DOP1A: variants seen among roughly 807,000 people sequenced by gnomAD.
The protein encoded by DOP1A is protein DOP1A.
Under a neutral mutation model 267.6 loss-of-function variants are expected in DOP1A, and 90 were observed. That is an observed-to-expected ratio of 0.34 (90% CI 0.28 to 0.40). The LOEUF (loss-of-function observed/expected upper bound fraction) is 0.40. Ranked by LOEUF, DOP1A falls within the 10% of genes least tolerant of loss-of-function variation. The probability of loss-of-function intolerance (pLI) is 1.00; values close to 1 mark genes in which losing one functional copy is unlikely to be tolerated. For missense variants in DOP1A, 2,437 were observed against 2,900.4 expected, an observed-to-expected ratio of 0.84 and a Z score of 3.67; for synonymous variants, 932 against 999.1, an observed-to-expected ratio of 0.93 and a Z score of 1.27.
At chr6:83,134,309 G>T in intron 19 of DOP1A, 22 bp downstream of exon 19, 1 of 1,596,160 alleles carries the variant, frequency 6.3e-7, no homozygotes, top group Non-Finnish European at 8.6e-7. Context: ...TTTATATTAA[G>T]ATTTCACAGT....
chr6:83,170,736 T>C (rs1786909295), downstream of DOP1A: 3 of 346,562 alleles, frequency 8.7e-6, no homozygotes, highest in South Asian at 1.0e-4. Context: ...GTAAATACGA[T>C]ATGACTAAGT....
At chr6:83,105,186 T>C (rs1023858970) in intron 4 of DOP1A, among the ~76,000 whole-genome samples, 2 of 152,120 alleles carry the variant, frequency 1.3e-5, no homozygotes, top group African/African-American at 4.8e-5. Context: ...GATTAAGTGT[T>C]CTATTCTCAG....
intron 15 of DOP1A, among the ~76,000 whole-genome samples, chr6:83,127,657 G>A (rs989802753): frequency 1.3e-5 from 2 of 152,204 alleles, no homozygotes; most frequent in Non-Finnish European, 2.9e-5. Context: ...TAGCGCAGGT[G>A]AGAGGTGGTG....
chr6:83,134,096 A>G, intron 18 of DOP1A, 91 bp from the exon 19 acceptor site: 2 of 993,922 alleles, frequency 2.0e-6, no homozygotes, highest in Non-Finnish European at 3.0e-6. Flanking sequence ...TGAACGTAAT[A>G]CAGTACTCCT....
At chr6:83,104,193 A>G (rs756321107) in intron 4 of DOP1A, among the ~76,000 whole-genome samples, 1 of 152,100 alleles carries the variant, frequency 6.6e-6, no homozygotes, top group Non-Finnish European at 1.5e-5. Flanking sequence ...GTTCTTTCTA[A>G]TAGCTTTTGG....
chr6:83,124,138 T>A (rs1401601235), intron 12 of DOP1A, among the ~76,000 whole-genome samples: 1 of 152,088 alleles, frequency 6.6e-6, no homozygotes, highest in Non-Finnish European at 1.5e-5. Context: ...CTATATTATA[T>A]TCTTACTTTG....
At chr6:83,125,127 T>C in intron 13 of DOP1A, 39 bp from the exon 14 acceptor site, 1 of 1,564,506 alleles carries the variant, frequency 6.4e-7, no homozygotes, top group African/African-American at 1.4e-5. Flanking sequence ...TTTTCCCTTC[T>C]GTTTTCTCTC....
At chr6:83,167,402 A>C in intron 38 of DOP1A, 3 of 982,386 alleles carry the variant, frequency 3.1e-6, no homozygotes, top group Non-Finnish European at 3.6e-6. Context: ...AATTTAGGCC[A>C]TTTAGATAAA....
At chr6:83,114,799 T>C (rs1775140632) in intron 7 of DOP1A, among the ~76,000 whole-genome samples, 3 of 152,222 alleles carry the variant, frequency 2.0e-5, no homozygotes, top group Admixed American at 1.3e-4. Flanking sequence ...TTATATTCTA[T>C]AATATGTATT....
At chr6:83,105,459 G>A (rs942309554) in intron 4 of DOP1A, among the ~76,000 whole-genome samples, 1 of 140,238 alleles carries the variant, frequency 7.1e-6, no homozygotes, top group Non-Finnish European at 1.5e-5. Flanking sequence ...CCGCCTCCCA[G>A]GTTCAAGCAA....
At chr6:83,141,288 C>T (rs1779616884) in intron 23 of DOP1A, among the ~76,000 whole-genome samples, 1 of 152,122 alleles carries the variant, frequency 6.6e-6, no homozygotes, top group African/African-American at 2.4e-5. Context: ...AGAAAGTTTG[C>T]ATTTTATCAG....
intron 27 of DOP1A, 95 bp downstream of exon 27, chr6:83,148,958 A>T: frequency 1.5e-6 from 1 of 688,844 alleles, no homozygotes; most frequent in Non-Finnish European, 2.2e-6. Context: ...GGTGACAGTG[A>T]TCTCTCTACC....
At position 83,138,019 on chromosome 6, in the gene DOP1A, G is replaced by A. The variant is rs750571177; in HGVS notation, c.3977G>A (p.Ser1326Asn). ...EKLKQTSVFF[S>N]DGLDLENWYS... ...CTCAAACAAACCAGTGTATTCTTCAGTGATGGTCTGGATTTAGAGAACTGG... is the reference window on the plus strand; with the variant it reads ...CTCAAACAAACCAGTGTATTCTTCAATGATGGTCTGGATTTAGAGAACTGG... The change falls in exon 21 of 39, where the codon AGT becomes AAT. Residue 1326 changes from serine to asparagine, a missense_variant. Physicochemically the swap from Ser to Asn is conservative, Grantham distance 46 (BLOSUM62 1). Transcript: ENST00000349129. The A allele has an allele frequency of 4.3e-6, 7 of 1,609,902 alleles. No individual in the cohort carries two copies. The highest frequency in any genetic ancestry group is 5.1e-6 in the Non-Finnish European group (6 of 1,178,500).
chr6:83,161,178 C>CT (rs1165344033), intron 37 of DOP1A: 1 of 152,238 alleles, frequency 6.6e-6, no homozygotes, highest in East Asian at 1.9e-4. Flanking sequence ...GCTCATGATA[C>CT]TGACTTTTTA....
At position 83,137,601 on chromosome 6, in the gene DOP1A, A is replaced by G; in HGVS notation, c.3559A>G (p.Ile1187Val). The G allele has an allele frequency of 1.2e-6, 2 of 1,613,908 alleles. No individual in the cohort carries two copies. The highest frequency in any genetic ancestry group is 1.7e-6 in the Non-Finnish European group (2 of 1,179,858). The change falls in exon 21 of 39, where the codon ATA becomes GTA. Residue 1187 changes from isoleucine to valine, a missense_variant. Coordinates refer to ENST00000349129, the MANE Select transcript of DOP1A (RefSeq NM_015018.4). ...AGCTATGCCCCCAAAGTGCAGTGAT[A>G]TAGATCCAGATGAAGAGACGATTAA... The part of the protein sequence containing the change: ...IEAMPPKCSD[I>V]DPDEETIKIE...
At chr6:83,148,489 C>T (rs1478156670) in intron 26 of DOP1A, among the ~76,000 whole-genome samples, 1 of 152,032 alleles carries the variant, frequency 6.6e-6, no homozygotes, top group African/African-American at 2.4e-5. Flanking sequence ...AATCCCAACA[C>T]TTTGGGAGGC....
chr6:83,086,144 G>A (rs910833910), intron 1 of DOP1A, among the ~76,000 whole-genome samples: 1 of 152,072 alleles, frequency 6.6e-6, no homozygotes, highest in Admixed American at 6.6e-5. Flanking sequence ...CCCATGAATC[G>A]AAAATCCACG....
rs1774878884 is a variant in DOP1A at position 83,113,308 on chromosome 6, A to G, written c.682-15A>G. ...GCATAATAGACAATAGATGTTAAAGATGCTGTTATTTCAGGTAGAAGCAGT... is the reference window on the plus strand; with the variant it reads ...GCATAATAGACAATAGATGTTAAAGGTGCTGTTATTTCAGGTAGAAGCAGT... On this transcript the variant is annotated splice_polypyrimidine_tract_variant and intron_variant, in intron 6 of 38. Transcript: ENST00000349129. The G allele has an allele frequency of 3.7e-6, 6 of 1,605,314 alleles. No homozygotes were observed. In the East Asian group the frequency reaches 1.3e-4, roughly 36 times the overall value.
intron 1 of DOP1A, among the ~76,000 whole-genome samples, chr6:83,081,566 AT>A (rs1768080316): frequency 6.6e-6 from 1 of 152,224 alleles, no homozygotes; most frequent in Non-Finnish European, 1.5e-5. Context: ...ATAAAAAAAA[AT>A]AGGACCTGAA....
Sources: allele counts gnomAD v4.1 joint callset (sites outside exome capture counted in the v4.1 genomes callset), GRCh38; gene constraint gnomAD v4.1.1; transcripts MANE v1.5; gene names NCBI Gene and HGNC (gene_info 2026-07-23, HGNC 2026-07-21).